The following FAM3C variants were observed in gnomAD, a reference collection of about 807,000 sequenced individuals.
FAM3C encodes protein FAM3C.
In FAM3C, 15 loss-of-function variants were observed where a neutral mutation model predicts 32.5. The ratio of observed to expected loss-of-function variants is 0.46; its 90% confidence interval spans 0.31 to 0.71. The LOEUF (loss-of-function observed/expected upper bound fraction) is 0.71, where lower values mean the gene tolerates loss of function less well. Ranked by LOEUF, FAM3C falls within the 30% of genes least tolerant of loss-of-function variation. The pLI is 0.05. For missense variants in FAM3C, 175 were observed against 274.4 expected (o/e 0.64, Z 2.56); for synonymous variants, 75 against 86.1 (o/e 0.87, Z 0.72).
At chr7:121,384,712 C>T (rs1330876240) in intron 1 of FAM3C, among the ~76,000 whole-genome samples, 1 of 152,164 alleles carries the variant, frequency 6.6e-6, no homozygotes, top group Non-Finnish European at 1.5e-5. Flanking sequence ...TAGCTGAATA[C>T]AACTGTTTTC....
chr7:121,370,179 T>C (rs902433104), intron 5 of FAM3C, among the ~76,000 whole-genome samples: 1 of 152,194 alleles, frequency 6.6e-6, no homozygotes, highest in African/African-American at 2.4e-5. Context: ...AGGACTATTC[T>C]AATGAGAAAT....
intron 8 of FAM3C, among the ~76,000 whole-genome samples, chr7:121,357,736 C>T (rs1385104675): frequency 6.6e-6 from 1 of 152,038 alleles, no homozygotes; most frequent in Non-Finnish European, 1.5e-5. Flanking sequence ...TTTCCTTTTG[C>T]CCTAGAGGTT....
At chr7:121,395,872 G>C (rs1412945625) in intron 1 of FAM3C, among the ~76,000 whole-genome samples, 2 of 151,826 alleles carry the variant, frequency 1.3e-5, no homozygotes, top group Non-Finnish European at 2.9e-5. Context: ...GGGGCGCCGA[G>C]TGCCAGCGCC....
intron 1 of FAM3C, among the ~76,000 whole-genome samples, chr7:121,386,817 G>GA (rs759415817): frequency 4.6e-5 from 7 of 151,676 alleles, no homozygotes; most frequent in Non-Finnish European, 8.8e-5. Context: ...AAGTAAAAGA[G>GA]AAAAATGAGA....
At chr7:121,362,818 T>C (rs1424746301) in intron 7 of FAM3C, 79 bp downstream of exon 7, 1 of 760,830 alleles carries the variant, frequency 1.3e-6, no homozygotes, top group Non-Finnish European at 2.3e-6. Context: ...ATCATCATTC[T>C]CTCATTAATG....
chr7:121,369,179 C>T (rs1307133976), intron 5 of FAM3C, among the ~76,000 whole-genome samples: 1 of 151,896 alleles, frequency 6.6e-6, no homozygotes, highest in Non-Finnish European at 1.5e-5. Context: ...CGGGGTTTCA[C>T]CATGTTGGCC....
intron 5 of FAM3C, among the ~76,000 whole-genome samples, chr7:121,370,992 A>G (rs906393399): frequency 3.3e-5 from 5 of 152,312 alleles, no homozygotes; most frequent in African/African-American, 1.2e-4. Context: ...TTAAGGATCA[A>G]AATTAAATAG....
intron 7 of FAM3C, chr7:121,362,563 CT>C (rs1006460967): frequency 0.016 from 3,303 of 205,776 alleles, no homozygotes; most frequent in Middle Eastern, 0.024. Flanking sequence ...CTTCAAATTA[CT>C]TTTTTTTTTT....
At chr7:121,374,493 G>T (rs998483973) in intron 3 of FAM3C, among the ~76,000 whole-genome samples, 2 of 152,088 alleles carry the variant, frequency 1.3e-5, no homozygotes, top group Non-Finnish European at 2.9e-5. Context: ...ATCACCAAAA[G>T]AACTATTTAA....
At chr7:121,381,086 T>G (rs1794341822) in intron 2 of FAM3C, among the ~76,000 whole-genome samples, 1 of 152,188 alleles carries the variant, frequency 6.6e-6, no homozygotes, top group Non-Finnish European at 1.5e-5. Flanking sequence ...CCCCCAAAGC[T>G]GGCCTGACTC....
chr7:121,356,739 T>C (rs944577763), intron 8 of FAM3C, among the ~76,000 whole-genome samples: 11 of 152,196 alleles, frequency 7.2e-5, no homozygotes, highest in Non-Finnish European at 1.5e-4. Context: ...AGGCATAACA[T>C]GTCATAGAGT....
At chr7:121,385,811 G>T (rs1794454047) in intron 1 of FAM3C, among the ~76,000 whole-genome samples, 1 of 152,090 alleles carries the variant, frequency 6.6e-6, no homozygotes, top group African/African-American at 2.4e-5. Flanking sequence ...AACCAAGTAT[G>T]AATACATACT....
In FAM3C at chr7:121,379,023, C is replaced by T. The variant is rs1471842713; in HGVS notation, c.14-9G>A. On this transcript the variant is annotated splice_polypyrimidine_tract_variant and intron_variant, in intron 2 of 9. Coordinates refer to ENST00000359943, the MANE Select transcript of FAM3C (RefSeq NM_014888.3). The stretch of plus-strand genomic sequence containing the variant: ...CACCAACTTTGCAGCACCTAAAAGG[C>T]AGAAGTATTTCAGCATAACTTTGTA... 1 of 1,461,620 alleles carries T rather than the reference C, an allele frequency of 6.8e-7. No individual in the cohort carries two copies. Among genetic ancestry groups the T allele is most frequent in the Non-Finnish European group, 9.3e-7 (1 of 1,072,076 alleles). The allele number at this position is 1,461,620 out of a possible 1,614,324, so 90.5% of individuals were successfully genotyped here.
chr7:121,350,955 A>G (rs953221833), intron 9 of FAM3C, among the ~76,000 whole-genome samples, 188 bp downstream of exon 9: 1 of 152,164 alleles, frequency 6.6e-6, no homozygotes, highest in African/African-American at 2.4e-5. Context: ...CCCATGCAGA[A>G]TTTTCAAGTT....
At chr7:121,355,303 A>G (rs1247209936) in intron 8 of FAM3C, among the ~76,000 whole-genome samples, 1 of 152,214 alleles carries the variant, frequency 6.6e-6, no homozygotes, top group Non-Finnish European at 1.5e-5. Context: ...AACTTGTTGA[A>G]ATAATCATCA....
At chr7:121,367,254 C>A (rs1794040068) in intron 5 of FAM3C, among the ~76,000 whole-genome samples, 1 of 151,984 alleles carries the variant, frequency 6.6e-6, no homozygotes, top group African/African-American at 2.4e-5. Context: ...TCAATATATC[C>A]AAATATAGAT....
At chr7:121,364,074 TTG>T (rs559825016) in intron 6 of FAM3C, 54 bp downstream of exon 6, 476 of 1,165,098 alleles carry the variant, frequency 4.1e-4, no homozygotes, top group Non-Finnish European at 5.9e-4. Context: ...GCATTTTACT[TTG>T]GGACAGAAAA....
At chr7:121,369,008 C>G (rs1584697154) in intron 5 of FAM3C, among the ~76,000 whole-genome samples, 2 of 136,554 alleles carry the variant, frequency 1.5e-5, no homozygotes, top group Admixed American at 1.6e-4. Flanking sequence ...CAAAGTCTCG[C>G]TCTGCCGCCC....
intron 1 of FAM3C, among the ~76,000 whole-genome samples, chr7:121,395,213 A>G (rs545361125): frequency 6.6e-6 from 1 of 151,392 alleles, no homozygotes; most frequent in South Asian, 2.1e-4. Flanking sequence ...ATATATACGG[A>G]TACATACATA....
Sources: gnomAD v4.1 joint callset for allele counts (sites outside exome capture counted in the v4.1 genomes callset) on GRCh38, gnomAD v4.1.1 for gene constraint, MANE v1.5 for transcripts, NCBI Gene and HGNC (gene_info 2026-07-23, HGNC 2026-07-21) for gene names.